RBL1: variants seen among roughly 807,000 people sequenced by gnomAD.
RBL1 encodes the protein retinoblastoma-like protein 1.
RBL1 carries 82 observed loss-of-function variants against 123.0 expected under a neutral mutation model. The observed-to-expected ratio is 0.67, with a 90% CI of 0.56 to 0.80. RBL1 has a LOEUF of 0.80. Ranked by LOEUF, RBL1 falls within the 30% of genes least tolerant of loss-of-function variation. The pLI, the probability that RBL1 is intolerant of heterozygous loss-of-function variation, is 0.00. For missense variants in RBL1, 1,171 were observed against 1,299.6 expected, an observed-to-expected ratio of 0.90 and a Z score of 1.52; for synonymous variants, 405 against 441.3, an observed-to-expected ratio of 0.92 and a Z score of 1.03.
Position 36,998,795 on chromosome 20 carries a change from T to A in RBL1, c.3171A>T (p.Arg1057=). The stretch of plus-strand genomic sequence containing the variant: ...CTCTTTCACTGACAACATCCTGTAG[T>A]CGTTTCAGTAAAACGTCATCATTTT... ...CQENDDVLLK[R]LQDVVSERAN... The change falls in exon 22 of 22, where the codon CGA becomes CGT. Residue 1057 remains arginine (R), a synonymous_variant. Transcript: ENST00000373664. 1 of 1,613,560 alleles carries A rather than the reference T, an allele frequency of 6.2e-7. No individual in the cohort carries two copies. Among genetic ancestry groups the A allele is most frequent in the Non-Finnish European group, 8.5e-7 (1 of 1,179,780 alleles).
Position 37,062,088 on chromosome 20 carries a change from T to C in RBL1, c.1079A>G (p.Glu360Gly). Residue 360 changes from glutamate (E) to glycine (G), a missense_variant, in exon 8 of 22, where the codon GAA (glutamate) becomes GGA (glycine). By Grantham distance (98) the Glu-to-Gly change is moderately conservative. Coordinates refer to ENST00000373664, the MANE Select transcript of RBL1 (RefSeq NM_002895.5). Reference sequence around the variant, plus strand: ...GGCCAGGCTAGGTTATATTACTTTTTCAAAGTGCTGTTGAAGGTTATACTC... The same window carrying C: ...GGCCAGGCTAGGTTATATTACTTTTCCAAAGTGCTGTTGAAGGTTATACTC... ...NVEYNLQQHF[E>G]KKRSFAPSTP... 1 of 1,611,144 alleles carries C rather than the reference T, an allele frequency of 6.2e-7. No homozygotes were observed. Among genetic ancestry groups the C allele is most frequent in the South Asian group, 1.1e-5 (1 of 90,664 alleles).
intron 7 of RBL1, among the ~76,000 whole-genome samples, chr20:37,063,135 T>C (rs1241013229): frequency 1.3e-5 from 2 of 152,180 alleles, no homozygotes; most frequent in Non-Finnish European, 2.9e-5. Context: ...TGGAATGCAG[T>C]GGCCCAGTCT....
At chr20:37,073,611 T>C (rs533096034) in intron 2 of RBL1, among the ~76,000 whole-genome samples, 35 of 148,658 alleles carry the variant, frequency 2.4e-4, no homozygotes, top group Admixed American at 3.4e-4. Flanking sequence ...GGTGGGAAGA[T>C]TGCTTGAGCC....
chr20:37,032,994 G>GT, intron 15 of RBL1, 118 bp from the exon 16 acceptor site: 1 of 987,120 alleles, frequency 1.0e-6, no homozygotes, highest in African/African-American at 1.7e-5. Context: ...CTACAAAATA[G>GT]TAATTCTAGG....
chr20:37,088,353 A>G (rs2065586853), intron 2 of RBL1, among the ~76,000 whole-genome samples: 1 of 152,146 alleles, frequency 6.6e-6, no homozygotes, highest in Non-Finnish European at 1.5e-5. Flanking sequence ...TAAAATGTCA[A>G]TAACAGGTGA....
chr20:37,067,263 A>T lies in RBL1; in HGVS notation c.526T>A (p.Phe176Ile). Reference protein sequence around the residue: ...IPCSVKDLFNFCWTLFVYTKG... With the variant: ...IPCSVKDLFNICWTLFVYTKG... ...GTATAAACAAAAAGTGTCCAACAGA[A>T]ATTAAACAGATCCTTAACACTGCAA... The change falls in exon 4 of 22, where the codon TTC (phenylalanine) becomes ATC (isoleucine). Residue 176 changes from phenylalanine to isoleucine, a missense_variant. Phe to Ile is a conservative substitution (Grantham distance 21, BLOSUM62 0). Transcript: ENST00000373664. 6.2e-7 allele frequency: 1 copy of T among 1,607,376 alleles called. No individual in the cohort carries two copies. The highest frequency in any genetic ancestry group is 1.3e-5 in the African/African-American group (1 of 74,690).
intron 11 of RBL1, among the ~76,000 whole-genome samples, chr20:37,050,539 T>C (rs1381492756): frequency 1.1e-5 from 1 of 89,392 alleles, no homozygotes; most frequent in African/African-American, 5.0e-5. Context: ...AGCAAGACTC[T>C]GTCTCAAAAA....
intron 11 of RBL1, among the ~76,000 whole-genome samples, chr20:37,048,023 C>T (rs932933425): frequency 2.0e-5 from 3 of 151,842 alleles, no homozygotes; most frequent in Admixed American, 1.3e-4. Context: ...AAACAAGTAT[C>T]GCCCCAAATC....
chr20:37,005,828 G>C (rs2064060739), intron 20 of RBL1, among the ~76,000 whole-genome samples: 1 of 149,636 alleles, frequency 6.7e-6, no homozygotes, highest in Non-Finnish European at 1.5e-5. Context: ...TAGATACATA[G>C]AAACAGCTAT....
chr20:37,094,332 TC>T (rs2065694304), intron 1 of RBL1, among the ~76,000 whole-genome samples: 2 of 152,208 alleles, frequency 1.3e-5, no homozygotes, highest in Admixed American at 6.5e-5. Context: ...ACTTTCTTAT[TC>T]TTCCCACAGC....
At chr20:37,048,806 G>A (rs1600528322) in intron 11 of RBL1, among the ~76,000 whole-genome samples, 1 of 151,256 alleles carries the variant, frequency 6.6e-6, no homozygotes, top group East Asian at 2.0e-4. Context: ...GCATGCACCT[G>A]TAGTCCCAGG....
intron 16 of RBL1, among the ~76,000 whole-genome samples, chr20:37,027,872 A>G (rs2064450719): frequency 6.6e-6 from 1 of 152,062 alleles, no homozygotes; most frequent in Non-Finnish European, 1.5e-5. Flanking sequence ...CTCCCACTTC[A>G]GCCTCCTGAG....
At chr20:37,076,973 G>C (rs2146318975) in intron 2 of RBL1, among the ~76,000 whole-genome samples, 1 of 131,688 alleles carries the variant, frequency 7.6e-6, no homozygotes, top group African/African-American at 2.9e-5. Context: ...GTCTTGCTCT[G>C]TCGCCCAGGC....
intron 21 of RBL1, 135 bp downstream of exon 21, chr20:37,003,567 G>C: frequency 7.6e-7 from 1 of 1,309,630 alleles, no homozygotes; most frequent in South Asian, 2.2e-5. Flanking sequence ...GATGAGAGGA[G>C]ACATGCCATA....
Position 36,998,647 on chromosome 20 carries a change from C to A in RBL1, c.*112G>T. 1 of 954,182 alleles carries A rather than the reference C, an allele frequency of 1.0e-6. No homozygotes were observed. The allele number at this position is 954,182 out of a possible 1,614,324, so 59.1% of individuals were successfully genotyped here. On this transcript the variant is annotated 3_prime_UTR_variant, in exon 22 of 22. Coordinates refer to ENST00000373664, the MANE Select transcript of RBL1 (RefSeq NM_002895.5). ...GCACATAATTTTTGTGCAATTTTTT[C>A]TTATAACCCAGTGATATTTATCATC... is the stretch of plus-strand genomic sequence containing the variant.
In RBL1 at chr20:37,067,136, A is replaced by G. The variant is rs1239014474; in HGVS notation, c.557-15T>C. 2 of 1,484,402 alleles carry G rather than the reference A, an allele frequency of 1.3e-6. No homozygotes were observed. The highest frequency in any genetic ancestry group is 2.5e-5 in the South Asian group (2 of 79,128). 92.0% of individuals were successfully genotyped at this position (1,484,402 alleles called of 1,614,324 possible). On this transcript the variant is annotated splice_polypyrimidine_tract_variant and intron_variant, in intron 4 of 21. Coordinates refer to ENST00000373664, the MANE Select transcript of RBL1 (RefSeq NM_002895.5). ...CCGAAAATTACCTTTATAAGGGAAA[A>G]AAAAAAAAAAAAGACACAAAAACCA...
At chr20:37,094,575 C>T (rs1488503532) in intron 1 of RBL1, among the ~76,000 whole-genome samples, 1 of 152,134 alleles carries the variant, frequency 6.6e-6, no homozygotes, top group African/African-American at 2.4e-5. Flanking sequence ...GAACATGAGG[C>T]CAGTGGTGCT....
At chr20:36,999,159 C>T (rs1000537420) in intron 21 of RBL1, among the ~76,000 whole-genome samples, 1 of 151,962 alleles carries the variant, frequency 6.6e-6, no homozygotes, top group African/African-American at 2.4e-5. Flanking sequence ...GTAATACCAG[C>T]ACTTTGGGAG....
At chr20:37,056,053 T>A in intron 10 of RBL1, 93 bp downstream of exon 10, 3 of 1,460,108 alleles carry the variant, frequency 2.1e-6, no homozygotes, top group African/African-American at 1.5e-5. Flanking sequence ...AAAAAAGAAA[T>A]AAGAATAACG....
Sources: gnomAD v4.1 joint callset for allele counts (sites outside exome capture counted in the v4.1 genomes callset) on GRCh38, gnomAD v4.1.1 for gene constraint, MANE v1.5 for transcripts, NCBI Gene and HGNC (gene_info 2026-07-23, HGNC 2026-07-21) for gene names.